The following PTH2R variants were observed in gnomAD, a reference collection of about 807,000 sequenced individuals.
PTH2R encodes the protein PTH2 receptor.
PTH2R carries 59 observed loss-of-function variants against 60.3 expected under a neutral mutation model. The observed-to-expected ratio is 0.98, with a 90% CI of 0.79 to 1.22. The LOEUF is 1.22. PTH2R is among the 50% of genes most tolerant of loss of function. The pLI, the probability that PTH2R is intolerant of heterozygous loss-of-function variation, is 0.00. For synonymous variants in PTH2R, 256 were observed against 243.8 expected (o/e 1.05, Z -0.47); for missense variants, 749 against 682.6 (o/e 1.10, Z -1.08).
intron 8 of PTH2R, among the ~76,000 whole-genome samples, chr2:208,455,125 T>A (rs779326238): frequency 6.6e-6 from 1 of 152,238 alleles, no homozygotes; most frequent in Non-Finnish European, 1.5e-5. Context: ...GTTGATGTTA[T>A]CTAATTGACA....
intron 1 of PTH2R, among the ~76,000 whole-genome samples, chr2:208,394,795 A>C (rs1222150759): frequency 1.3e-5 from 2 of 152,174 alleles, no homozygotes; most frequent in Non-Finnish European, 2.9e-5. Context: ...CTGGACTTAA[A>C]ATTATTAATT....
intron 1 of PTH2R, among the ~76,000 whole-genome samples, chr2:208,382,577 G>C (rs151230419): frequency 1.3e-3 from 197 of 152,292 alleles, no homozygotes; most frequent in South Asian, 2.3e-3. Flanking sequence ...ATGTGCGTCA[G>C]AAAGTTTTGC....
chr2:208,377,561 C>T lies in PTH2R; in HGVS notation c.-259+17324C>T, dbSNP rs551762244. ...GGGCGGGGGCTGACCCCCCACCTGC[C>T]TCTGGGACGGGGCGGCTGGCCGGGC... is the stretch of plus-strand genomic sequence containing the variant. On this transcript the variant is annotated intron_variant, in intron 1 of 12. Coordinates refer to the PTH2R transcript ENST00000617735. Among the ~76,000 whole-genome samples, 159 of 147,544 alleles carry T rather than the reference C, an allele frequency of 1.1e-3. 4 individuals are homozygous for T. Among genetic ancestry groups the T allele is most frequent in the African/African-American group, 3.4e-3 (131 of 38,520 alleles).
At chr2:208,474,765 A>AACTCTAGAG (rs1250734054) in intron 9 of PTH2R, among the ~76,000 whole-genome samples, 1 of 152,222 alleles carries the variant, frequency 6.6e-6, no homozygotes, top group Non-Finnish European at 1.5e-5. Context: ...TTAAAAAGAA[A>AACTCTAGAG]ACTCTAGAGG....
At chr2:208,462,671 G>GA (rs1201411242) in intron 9 of PTH2R, among the ~76,000 whole-genome samples, 2 of 152,074 alleles carry the variant, frequency 1.3e-5, no homozygotes, top group African/African-American at 4.8e-5. Flanking sequence ...TAACATTCAG[G>GA]AAAAAAACTA....
At chr2:208,446,541 C>T (rs920857037) in intron 7 of PTH2R, among the ~76,000 whole-genome samples, 2 of 152,202 alleles carry the variant, frequency 1.3e-5, no homozygotes, top group Non-Finnish European at 2.9e-5. Context: ...ACATTTTGCT[C>T]ACTTAATTAG....
intron 1 of PTH2R, among the ~76,000 whole-genome samples, chr2:208,426,145 A>C (rs984926545): frequency 7.9e-5 from 12 of 152,206 alleles, no homozygotes; most frequent in Non-Finnish European, 1.2e-4. Flanking sequence ...TTGACATTAA[A>C]ATTGGTATCT....
intron 1 of PTH2R, among the ~76,000 whole-genome samples, chr2:208,411,964 A>G (rs1334439462): frequency 6.6e-6 from 1 of 152,168 alleles, no homozygotes; most frequent in Non-Finnish European, 1.5e-5. Context: ...TTTTTAATGG[A>G]ATGATTACTA....
intron 4 of PTH2R, among the ~76,000 whole-genome samples, chr2:208,440,932 G>A (rs1376240187): frequency 1.3e-5 from 2 of 152,194 alleles, no homozygotes; most frequent in Non-Finnish European, 2.9e-5. Flanking sequence ...TGAAGGCATG[G>A]ATCAGGACAG....
chr2:208,464,300 T>C (rs1418261889), intron 9 of PTH2R, among the ~76,000 whole-genome samples: 1 of 152,224 alleles, frequency 6.6e-6, no homozygotes, highest in African/African-American at 2.4e-5. Flanking sequence ...GCAATAAATA[T>C]TTGATTAAAA....
At chr2:208,365,377 C>CT (rs1246482811) in intron 1 of PTH2R, among the ~76,000 whole-genome samples, 5 of 151,414 alleles carry the variant, frequency 3.3e-5, no homozygotes, top group Admixed American at 2.0e-4. Context: ...CTTTTCTTTT[C>CT]TTTTTTTGTG....
intron 1 of PTH2R, among the ~76,000 whole-genome samples, chr2:208,362,747 A>T (rs1401190797): frequency 6.6e-6 from 1 of 152,198 alleles, no homozygotes; most frequent in African/African-American, 2.4e-5. Context: ...AGGAAATGCC[A>T]TACTGTTTTC....
At chr2:208,416,406 C>T (rs1701641741) in intron 1 of PTH2R, among the ~76,000 whole-genome samples, 1 of 152,146 alleles carries the variant, frequency 6.6e-6, no homozygotes, top group East Asian at 1.9e-4. Context: ...ACTTTGTTCA[C>T]CCTTACGAAC....
At chr2:208,410,474 G>T (rs965003536) in intron 1 of PTH2R, among the ~76,000 whole-genome samples, 3 of 152,098 alleles carry the variant, frequency 2.0e-5, no homozygotes, top group Non-Finnish European at 4.4e-5. Context: ...AGCAATCTCC[G>T]CCCCGAGTCT....
At chr2:208,472,889 G>T (rs896996537) in intron 9 of PTH2R, among the ~76,000 whole-genome samples, 1 of 95,870 alleles carries the variant, frequency 1.0e-5, no homozygotes, top group Admixed American at 1.3e-4. Context: ...TTCAAGAAAG[G>T]TTATGTAACT....
chr2:208,388,272 G>A (rs1166081445), intron 1 of PTH2R, among the ~76,000 whole-genome samples: 2 of 151,914 alleles, frequency 1.3e-5, no homozygotes, highest in African/African-American at 2.4e-5. Context: ...AGTTGAGATC[G>A]CGCCACTGCA....
At chr2:208,407,934 A>C (rs1701452009) in intron 1 of PTH2R, among the ~76,000 whole-genome samples, 1 of 152,218 alleles carries the variant, frequency 6.6e-6, no homozygotes, top group Non-Finnish European at 1.5e-5. Context: ...CCAATAAAAA[A>C]TTATTTCACC....
intron 1 of PTH2R, among the ~76,000 whole-genome samples, chr2:208,426,560 A>G (rs1701861397): frequency 6.6e-6 from 1 of 152,156 alleles, no homozygotes; most frequent in Admixed American, 6.5e-5. Context: ...TAATCCCCAT[A>G]ATCCCCACAT....
At chr2:208,449,441 A>AGATG (rs1702356678) in intron 7 of PTH2R, among the ~76,000 whole-genome samples, 1 of 151,052 alleles carries the variant, frequency 6.6e-6, no homozygotes, top group Non-Finnish European at 1.5e-5. Context: ...GAAATGTGAT[A>AGATG]GATAGATAGA....
Sources: allele counts gnomAD v4.1 joint callset (sites outside exome capture counted in the v4.1 genomes callset), GRCh38; gene constraint gnomAD v4.1.1; transcripts MANE v1.5; gene names NCBI Gene and HGNC (gene_info 2026-07-23, HGNC 2026-07-21).